The following DMD variants were observed in gnomAD, a reference collection of about 807,000 sequenced individuals.
The protein encoded by DMD is mutant dystrophin.
DMD carries 63 observed loss-of-function variants against 330.1 expected under a neutral mutation model. That is an observed-to-expected ratio of 0.19 (90% CI 0.16 to 0.24). DMD has a LOEUF of 0.24. DMD is among the 10% of genes least tolerant of loss of function. DMD has a pLI of 1.00. For missense variants in DMD, 3,344 were observed against 2,684.1 expected, an observed-to-expected ratio of 1.25 and a Z score of -5.43; for synonymous variants, 1,223 against 959.8, an observed-to-expected ratio of 1.27 and a Z score of -5.07.
chrX:31,261,149 T>C, intron 62 of DMD, 133 bp from the exon 63 acceptor site: 1 of 513,867 alleles, frequency 1.9e-6, no homozygotes, highest in Non-Finnish European at 3.3e-6. Flanking sequence ...TTCAAAGCGC[T>C]TCCATAGTGT....
intron 77 of DMD, among the ~76,000 whole-genome samples, chrX:31,127,344 G>A (rs1447381293): frequency 7.2e-5 from 8 of 111,490 alleles, no homozygotes; most frequent in Non-Finnish European, 1.3e-4. Context: ...AGCCTTACGA[G>A]GCAATGGCTA....
chrX:32,903,573 T>C (rs1409541954), intron 2 of DMD, among the ~76,000 whole-genome samples: 1 of 111,522 alleles, frequency 9.0e-6, no homozygotes, highest in Non-Finnish European at 1.9e-5. Flanking sequence ...GAGATTCTGA[T>C]TTAATTTATC....
intron 44 of DMD, among the ~76,000 whole-genome samples, chrX:32,017,440 GA>G (rs1308883318): frequency 6.3e-5 from 7 of 111,695 alleles, no homozygotes; most frequent in Admixed American, 2.9e-4. Context: ...TGTAAGCTGG[GA>G]AAAAAGTTTA....
At chrX:32,886,510 C>T (rs2084588668) in intron 2 of DMD, among the ~76,000 whole-genome samples, 1 of 109,411 alleles carries the variant, frequency 9.1e-6, no homozygotes, top group African/African-American at 3.3e-5. Context: ...GGTGAAACCC[C>T]GTCTCTACTA....
intron 42 of DMD, among the ~76,000 whole-genome samples, chrX:32,302,185 T>C (rs918078405): frequency 4.5e-5 from 5 of 111,457 alleles, no homozygotes; most frequent in African/African-American, 1.3e-4. Context: ...TTCAGTATAG[T>C]ATTCACTAAA....
chrX:32,238,549 T>C (rs1569552526), intron 43 of DMD, among the ~76,000 whole-genome samples: 1 of 110,803 alleles, frequency 9.0e-6, no homozygotes, highest in Non-Finnish European at 1.9e-5. Flanking sequence ...CAACCTACAC[T>C]TGGAAATGAC....
At chrX:33,161,812 C>A (rs1235226614) in intron 1 of DMD, among the ~76,000 whole-genome samples, 1 of 111,869 alleles carries the variant, frequency 8.9e-6, no homozygotes, top group Non-Finnish European at 1.9e-5. Flanking sequence ...ATTTAATTTA[C>A]TCCTGAAACT....
At chrX:33,273,084 A>C (rs889342920) in intron 1 of DMD, among the ~76,000 whole-genome samples, 1 of 111,469 alleles carries the variant, frequency 9.0e-6, no homozygotes, top group Admixed American at 9.6e-5. Flanking sequence ...TTACCCTGAG[A>C]TGTAACTGTG....
chrX:33,010,199 CATATGTGTGTGTATATGT>C (rs2093662885), intron 2 of DMD, among the ~76,000 whole-genome samples: 1 of 84,139 alleles, frequency 1.2e-5, no homozygotes, highest in Non-Finnish European at 2.2e-5. Flanking sequence ...TGTATATATG[CATATGTGTGTGTATATGT>C]ACATATGTGT....
At chrX:32,463,359 A>G in intron 25 of DMD, 80 bp downstream of exon 25, 1 of 974,851 alleles carries the variant, frequency 1.0e-6, no homozygotes, top group Non-Finnish European at 1.4e-6. Flanking sequence ...GCCTTAACCA[A>G]AAGTAACGGT....
chrX:32,632,477 C>A (rs1053296430), intron 11 of DMD, among the ~76,000 whole-genome samples: 1 of 112,457 alleles, frequency 8.9e-6, no homozygotes, highest in Non-Finnish European at 1.9e-5. Context: ...TGTGGGGGAT[C>A]AAAGCCCACA....
At chrX:32,917,989 A>G (rs112882287) in intron 2 of DMD, among the ~76,000 whole-genome samples, 2 of 98,731 alleles carry the variant, frequency 2.0e-5, no homozygotes, top group Non-Finnish European at 4.5e-5. Flanking sequence ...TAGAAAAAAA[A>G]AAAAAAAGAA....
chrX:31,888,265 G>GCAATTGAATTGTAATTGAAT (rs2094184637), intron 47 of DMD, among the ~76,000 whole-genome samples: 1 of 111,601 alleles, frequency 9.0e-6, no homozygotes, highest in Non-Finnish European at 1.9e-5. Flanking sequence ...GGTAATATCC[G>GCAATTGAATTGTAATTGAAT]TGTAATTAAT....
intron 1 of DMD, among the ~76,000 whole-genome samples, chrX:33,020,448 C>G (rs2093892482): frequency 8.9e-6 from 1 of 111,845 alleles, no homozygotes; most frequent in Non-Finnish European, 1.9e-5. Context: ...CCAGTGAGGA[C>G]GGATCACTTG....
intron 18 of DMD, among the ~76,000 whole-genome samples, chrX:32,512,204 C>A (rs897728003): frequency 8.9e-6 from 1 of 112,030 alleles, no homozygotes; most frequent in African/African-American, 3.2e-5. Flanking sequence ...GACCTCTGTT[C>A]CTCCTTCTTT....
At position 32,573,819 on chromosome X, in the gene DMD, A is replaced by C. The variant is rs776947661; in HGVS notation, c.1630T>G (p.Cys544Gly). Residue 544 changes from cysteine to glycine, a missense_variant, in exon 14 of 79, where the codon TGT (cysteine) becomes GGT (glycine). Coordinates refer to ENST00000357033, the MANE Select transcript of DMD (RefSeq NM_004006.3). The stretch of plus-strand genomic sequence containing the variant: ...ACCCAGCGGTCTTCTGTCCATCTAC[A>C]GATGTTTGCCCATCGATCTCCCAAT... The part of the protein sequence containing the change: ...KVLGDRWANI[C>G]RWTEDRWVLL... 1 of 1,211,254 alleles carries C rather than the reference A, an allele frequency of 8.3e-7. No homozygotes were observed. Among genetic ancestry groups the C allele is most frequent in the African/African-American group, 1.7e-5 (1 of 57,811 alleles).
At chrX:32,760,717 A>G (rs749157109) in intron 7 of DMD, among the ~76,000 whole-genome samples, 1 of 112,155 alleles carries the variant, frequency 8.9e-6, no homozygotes, top group African/African-American at 3.2e-5. Context: ...TGAATACTTC[A>G]TATATTGATG....
At chrX:33,266,386 T>C (rs2053041929) in intron 1 of DMD, among the ~76,000 whole-genome samples, 1 of 112,035 alleles carries the variant, frequency 8.9e-6, no homozygotes, top group African/African-American at 3.2e-5. Context: ...AACCCCATTA[T>C]GTTCTCTATA....
intron 59 of DMD, among the ~76,000 whole-genome samples, chrX:31,473,030 CAAG>C (rs1413642219): frequency 9.0e-6 from 1 of 111,413 alleles, no homozygotes; most frequent in East Asian, 2.8e-4. Context: ...ATTCCTGGCT[CAAG>C]AAGGACATAC....
Sources: allele counts gnomAD v4.1 joint callset (sites outside exome capture counted in the v4.1 genomes callset), GRCh38; gene constraint gnomAD v4.1.1; transcripts MANE v1.5; gene names NCBI Gene and HGNC (gene_info 2026-07-23, HGNC 2026-07-21).